Variants in FBXL20 observed in about 807,000 individuals in gnomAD.
The protein encoded by FBXL20 is F-box and leucine rich repeat protein 20, also known as F-box/LRR-repeat protein 20.
A neutral mutation model predicts 64.0 loss-of-function variants in FBXL20; 11 were observed. The observed-to-expected ratio is 0.17, with a 90% CI of 0.11 to 0.28. FBXL20 has a LOEUF of 0.28. FBXL20 is among the 10% of genes least tolerant of loss of function. FBXL20 has a pLI of 1.00. For synonymous variants in FBXL20, 184 were observed against 189.0 expected, an observed-to-expected ratio of 0.97 and a Z score of 0.22; for missense variants, 303 against 526.2, an observed-to-expected ratio of 0.58 and a Z score of 4.15.
At chr17:39,360,116 G>A (rs1168923304) in intron 1 of FBXL20, among the ~76,000 whole-genome samples, 2 of 152,064 alleles carry the variant, frequency 1.3e-5, no homozygotes, top group Non-Finnish European at 2.9e-5. Context: ...GATGAACCCT[G>A]AAGACATTAT....
At chr17:39,390,721 T>C (rs2048126175) in intron 1 of FBXL20, among the ~76,000 whole-genome samples, 1 of 152,256 alleles carries the variant, frequency 6.6e-6, no homozygotes, top group Admixed American at 6.5e-5. Context: ...ATCAAGACCC[T>C]GTCTCAAACA....
chr17:39,306,930 A>C (rs781147138), intron 2 of FBXL20, among the ~76,000 whole-genome samples: 15 of 152,234 alleles, frequency 9.9e-5, no homozygotes, highest in Non-Finnish European at 1.6e-4. Context: ...CAATCTCAGC[A>C]AGACACCAGC....
rs529496297 is a variant in FBXL20 at position 39,392,968 on chromosome 17, G to A, written c.42+8393C>T. On this transcript the variant is annotated intron_variant, in intron 1 of 14. Transcript: ENST00000264658. ...AGATCGTGTCATCGCACTCCATCCT[G>A]GACAACAAGAGTGAAACTCCATCTC... is the stretch of plus-strand genomic sequence containing the variant. Among the ~76,000 whole-genome samples, 7 of 150,748 alleles carry A rather than the reference G, an allele frequency of 4.6e-5. No individual in the cohort carries two copies. The South Asian group carries it at 1.3e-3, about 27-fold the overall frequency.
chr17:39,312,154 C>A (rs1434710031), intron 2 of FBXL20, among the ~76,000 whole-genome samples: 2 of 152,226 alleles, frequency 1.3e-5, no homozygotes, highest in African/African-American at 4.8e-5. Flanking sequence ...TGGTGGCTCA[C>A]GCCTGTAATC....
intron 2 of FBXL20, among the ~76,000 whole-genome samples, chr17:39,321,900 A>G (rs887524211): frequency 3.3e-5 from 5 of 152,130 alleles, no homozygotes; most frequent in African/African-American, 1.2e-4. Context: ...ATCAGTTACC[A>G]TATTCCTAAA....
intron 2 of FBXL20, among the ~76,000 whole-genome samples, chr17:39,319,185 G>T (rs1200175713): frequency 6.6e-6 from 1 of 151,848 alleles, no homozygotes; most frequent in Non-Finnish European, 1.5e-5. Context: ...GGAGTAGGAG[G>T]TTGCAGCGAG....
chr17:39,333,842 G>A lies in FBXL20; in HGVS notation c.104+9338C>T, dbSNP rs551611159. On this transcript the variant is annotated intron_variant, in intron 2 of 14. Transcript: ENST00000264658. Reference sequence around the variant, plus strand: ...AGTGTCTCTGCCCCGCCGCCACCCCGTCTGGGAGGTGAGGAGCGTCTCTGA... The same window carrying A: ...AGTGTCTCTGCCCCGCCGCCACCCCATCTGGGAGGTGAGGAGCGTCTCTGA... Among the ~76,000 whole-genome samples, 18 of 151,050 alleles carry A rather than the reference G, an allele frequency of 1.2e-4. No homozygotes were observed. In the East Asian group the frequency reaches 1.8e-3, roughly 15 times the overall value.
At chr17:39,307,058 A>T (rs1353466361) in intron 2 of FBXL20, among the ~76,000 whole-genome samples, 1 of 152,218 alleles carries the variant, frequency 6.6e-6, no homozygotes, top group African/African-American at 2.4e-5. Flanking sequence ...GGAAACATCT[A>T]GTTAAAATGA....
chr17:39,355,830 G>C (rs1172850890), intron 1 of FBXL20, among the ~76,000 whole-genome samples: 8 of 128,720 alleles, frequency 6.2e-5, no homozygotes, highest in African/African-American at 2.4e-4. Flanking sequence ...ACTCCAGCCT[G>C]AGGGACAAAA....
At chr17:39,295,021 C>T (rs1047319643) in intron 6 of FBXL20, among the ~76,000 whole-genome samples, 8 of 152,094 alleles carry the variant, frequency 5.3e-5, no homozygotes, top group African/African-American at 1.9e-4. Flanking sequence ...TTAAAGAGTA[C>T]ATACTGAAAT....
chr17:39,357,130 G>T (rs747912041), intron 1 of FBXL20, among the ~76,000 whole-genome samples: 1 of 151,552 alleles, frequency 6.6e-6, no homozygotes, highest in African/African-American at 2.4e-5. Flanking sequence ...AAAATTAGCC[G>T]GGCGTGGTGC....
At chr17:39,311,969 C>T (rs989419148) in intron 2 of FBXL20, among the ~76,000 whole-genome samples, 9 of 152,116 alleles carry the variant, frequency 5.9e-5, no homozygotes, top group Admixed American at 3.3e-4. Flanking sequence ...AAACACACAT[C>T]TCAACAATCC....
chr17:39,296,987 T>C (rs1263828825), intron 6 of FBXL20, 140 bp downstream of exon 6: 1 of 503,086 alleles, frequency 2.0e-6, no homozygotes, highest in Non-Finnish European at 3.6e-6. Flanking sequence ...TACTTTGATG[T>C]TGCTTTCTCT....
At chr17:39,391,546 A>C (rs1597838248) in intron 1 of FBXL20, among the ~76,000 whole-genome samples, 1 of 147,638 alleles carries the variant, frequency 6.8e-6, no homozygotes, top group Admixed American at 6.7e-5. Flanking sequence ...TAATACACAC[A>C]AAAAAAAACA....
chr17:39,357,202 G>T (rs2047750092), intron 1 of FBXL20, among the ~76,000 whole-genome samples: 1 of 151,134 alleles, frequency 6.6e-6, no homozygotes, highest in African/African-American at 2.4e-5. Context: ...GAACCCGGGA[G>T]GAGGAGGTTG....
chr17:39,359,815 T>C lies in FBXL20; in HGVS notation c.43-16574A>G, dbSNP rs187195394. 2.7e-4 allele frequency among the ~76,000 whole-genome samples: 41 copies of C among 152,262 alleles called. 1 individual carries two copies. Among genetic ancestry groups the C allele is most frequent in the African/African-American group, 8.2e-4 (34 of 41,548 alleles). On this transcript the variant is annotated intron_variant, in intron 1 of 14. Coordinates refer to ENST00000264658, the MANE Select transcript of FBXL20 (RefSeq NM_032875.3). ...CCTATTTCTTCAATTCCTATTTTGGTACATATCTGAAATAACTGAAAGCAG... is the reference window on the plus strand; with the variant it reads ...CCTATTTCTTCAATTCCTATTTTGGCACATATCTGAAATAACTGAAAGCAG...
rs759073029 is a variant in FBXL20, at chr17:39,275,084, C to A, written c.713G>T (p.Gly238Val). ...LQTCLQITDE[G>V]LITICRGCHK... The stretch of plus-strand genomic sequence containing the variant: ...GCACCCTCTGCATATAGTAATGAGA[C>A]CTTCATCTGTGATTTGCTAAAAAAC... The change falls in exon 10 of 15, where the codon GGT (glycine) becomes GTT (valine). Residue 238 changes from glycine to valine, a missense_variant. This residue lies in a region of FBXL20 where 246 missense variants were observed against 422.6 expected (regional missense o/e 0.58). Coordinates refer to ENST00000264658, the MANE Select transcript of FBXL20 (RefSeq NM_032875.3). The A allele has an allele frequency of 6.2e-7, 1 of 1,607,408 alleles. No individual in the cohort carries two copies. Among genetic ancestry groups the A allele is most frequent in the Non-Finnish European group, 8.5e-7 (1 of 1,178,102 alleles).
chr17:39,286,798 C>CA (rs993807204), intron 6 of FBXL20, among the ~76,000 whole-genome samples: 17 of 147,592 alleles, frequency 1.2e-4, no homozygotes, highest in South Asian at 2.2e-4. Flanking sequence ...AACTCTGTCT[C>CA]AAAAAAAAAA....
intron 1 of FBXL20, among the ~76,000 whole-genome samples, chr17:39,399,587 T>C (rs1567911629): frequency 6.6e-6 from 1 of 152,182 alleles, no homozygotes; most frequent in East Asian, 1.9e-4. Flanking sequence ...AAACACTTAT[T>C]TAATCATGAA....
Sources: allele counts gnomAD v4.1 joint callset (sites outside exome capture counted in the v4.1 genomes callset), GRCh38; gene constraint gnomAD v4.1.1; regional missense constraint gnomAD v4.1.1; transcripts MANE v1.5; gene names NCBI Gene and HGNC (gene_info 2026-07-23, HGNC 2026-07-21).